ZZZ3: variants seen among roughly 807,000 people sequenced by gnomAD.
ZZZ3 encodes the protein ZZ-type zinc finger-containing protein 3.
Under a neutral mutation model 95.2 loss-of-function variants are expected in ZZZ3, and 22 were observed. That is an observed-to-expected ratio of 0.23 (90% CI 0.17 to 0.33). The LOEUF is 0.33. ZZZ3 is among the 10% of genes least tolerant of loss of function. ZZZ3 has a pLI of 1.00. For missense variants in ZZZ3, 885 were observed against 1,066.5 expected (o/e 0.83, Z 2.37); for synonymous variants, 335 against 358.9 (o/e 0.93, Z 0.75).
intron 1 of ZZZ3, among the ~76,000 whole-genome samples, chr1:77,673,458 A>G (rs545676366): frequency 1.3e-5 from 2 of 152,226 alleles, no homozygotes; most frequent in South Asian, 4.1e-4. Context: ...TTAGCCAGGC[A>G]TGGTGGCAGG....
chr1:77,671,026 G>GT (rs376097324), intron 1 of ZZZ3, among the ~76,000 whole-genome samples: 4 of 145,034 alleles, frequency 2.8e-5, no homozygotes, highest in East Asian at 2.2e-4. Context: ...GGTGGGGGTT[G>GT]TTTTTTTTAA....
chr1:77,657,529 T>C (rs919455775), intron 1 of ZZZ3, among the ~76,000 whole-genome samples: 2 of 152,152 alleles, frequency 1.3e-5, no homozygotes, highest in African/African-American at 2.4e-5. Context: ...CATTTGGAAA[T>C]GTGTACATCA....
intron 1 of ZZZ3, among the ~76,000 whole-genome samples, chr1:77,642,517 G>C (rs768301103): frequency 3.9e-5 from 6 of 152,004 alleles, no homozygotes; most frequent in Non-Finnish European, 8.8e-5. Context: ...GCCAAGACAG[G>C]AGGATCCCTT....
At chr1:77,661,803 C>A (rs1055334273) in intron 1 of ZZZ3, among the ~76,000 whole-genome samples, 2 of 152,018 alleles carry the variant, frequency 1.3e-5, no homozygotes, top group Non-Finnish European at 2.9e-5. Flanking sequence ...ATTATAGTTT[C>A]AAATTGCTAA....
rs150324016 is a variant in ZZZ3 at position 77,672,272 on chromosome 1, T to C, written c.-403+10313A>G. On this transcript the variant is annotated intron_variant, in intron 1 of 14. Transcript: ENST00000370801. Reference sequence around the variant, plus strand: ...GGGAACTATAAAGTTACAAGGATGGTTGTCAAACTTTAGCACACACCAGAA... The same window carrying C: ...GGGAACTATAAAGTTACAAGGATGGCTGTCAAACTTTAGCACACACCAGAA... Among the ~76,000 whole-genome samples, 6 of 152,258 alleles carry C rather than the reference T, an allele frequency of 3.9e-5. No individual in the cohort carries two copies. The East Asian group carries it at 9.6e-4, about 24-fold the overall frequency.
chr1:77,661,820 AT>A (rs1167416110), intron 1 of ZZZ3, among the ~76,000 whole-genome samples: 1 of 151,730 alleles, frequency 6.6e-6, no homozygotes, highest in African/African-American at 2.4e-5. Context: ...CTAACAAGGA[AT>A]TTTTTTTGTT....
chr1:77,656,568 CTTTTGATATCAAAGTCAAGG>C (rs1204254837), intron 1 of ZZZ3, among the ~76,000 whole-genome samples: 1 of 152,180 alleles, frequency 6.6e-6, no homozygotes, highest in African/African-American at 2.4e-5. Flanking sequence ...CCTGAAATAT[CTTTTGATATCAAAGTCAAGG>C]TCTGAATATC....
At chr1:77,615,162 A>C (rs1178059469) in intron 5 of ZZZ3, among the ~76,000 whole-genome samples, 1 of 152,214 alleles carries the variant, frequency 6.6e-6, no homozygotes, top group Non-Finnish European at 1.5e-5. Context: ...AACAACAAAA[A>C]TGGTGACATC....
intron 1 of ZZZ3, among the ~76,000 whole-genome samples, chr1:77,657,315 C>A (rs113620238): frequency 6.6e-6 from 1 of 152,130 alleles, no homozygotes; most frequent in South Asian, 2.1e-4. Flanking sequence ...TTCATAAACA[C>A]GGAACTCACA....
chr1:77,621,021 T>A (rs774783292), intron 5 of ZZZ3, among the ~76,000 whole-genome samples: 3 of 152,184 alleles, frequency 2.0e-5, no homozygotes, highest in Admixed American at 1.3e-4. Flanking sequence ...AAGCTTAGCA[T>A]CATACTGCCA....
upstream of ZZZ3, chr1:77,682,755 T>C (rs1672910462): frequency 6.6e-6 from 1 of 152,172 alleles, no homozygotes; most frequent in Admixed American, 6.5e-5. Flanking sequence ...AAAAAATCAG[T>C]ATTTCGGAAC....
chr1:77,634,141 G>C (rs914925735), intron 4 of ZZZ3, among the ~76,000 whole-genome samples: 1 of 152,062 alleles, frequency 6.6e-6, no homozygotes, highest in Non-Finnish European at 1.5e-5. Flanking sequence ...CTGCACTCCA[G>C]CTTGGGCGAC....
intron 1 of ZZZ3, among the ~76,000 whole-genome samples, chr1:77,653,193 A>AAGGC (rs968275259): frequency 2.6e-5 from 4 of 152,080 alleles, no homozygotes; most frequent in East Asian, 3.9e-4. Context: ...AAAGAAAAAA[A>AAGGC]AGGCAGGCAG....
At position 77,603,730 on chromosome 1, in the gene ZZZ3, T is replaced by A. The variant is rs372122293; in HGVS notation, c.1506-19075A>T. Among the ~76,000 whole-genome samples the A allele has an allele frequency of 1.4e-3, 206 of 152,210 alleles. 1 individual carries two copies. Among genetic ancestry groups the A allele is most frequent in the African/African-American group, 4.7e-3 (197 of 41,538 alleles). On this transcript the variant is annotated intron_variant, in intron 5 of 14. Transcript: ENST00000370801. ...TATACTCAAGGTCTAATACATAAGG[T>A]AAGTTTTATATAAAGATTATGAGCC...
At chr1:77,587,554 G>T (rs938849295) in intron 5 of ZZZ3, among the ~76,000 whole-genome samples, 1 of 152,120 alleles carries the variant, frequency 6.6e-6, no homozygotes, top group Non-Finnish European at 1.5e-5. Context: ...GTGAGCCACC[G>T]CGCCCAGCCC....
rs529063677 is a variant in ZZZ3, at chr1:77,665,635, T to C, written c.-403+16950A>G. On this transcript the variant is annotated intron_variant, in intron 1 of 14. Coordinates refer to ENST00000370801, the MANE Select transcript of ZZZ3 (RefSeq NM_015534.6). ...TATTTAGCTTGGTTAATAAGAATAC[T>C]GGAATGTTTAAGAAAATTTGTGATT... Among the ~76,000 whole-genome samples, 24 of 152,366 alleles carry C rather than the reference T, an allele frequency of 1.6e-4. No homozygotes were observed. In the South Asian group the frequency reaches 3.9e-3, roughly 25 times the overall value.
At chr1:77,658,484 A>C (rs1670485741) in intron 1 of ZZZ3, among the ~76,000 whole-genome samples, 1 of 148,996 alleles carries the variant, frequency 6.7e-6, no homozygotes, top group Admixed American at 6.7e-5. Flanking sequence ...TGGGACCTAT[A>C]GTCATAGGTG....
chr1:77,677,898 A>G (rs278849), intron 1 of ZZZ3, among the ~76,000 whole-genome samples: 151,598 of 152,338 alleles, frequency 1, 75,434 homozygotes, highest in Middle Eastern at 1. Context: ...TAATTCCCAA[A>G]ATCTAATTCC....
At chr1:77,658,241 A>G (rs559421436) in intron 1 of ZZZ3, among the ~76,000 whole-genome samples, 2 of 151,604 alleles carry the variant, frequency 1.3e-5, no homozygotes, top group African/African-American at 4.8e-5. Context: ...TCTTATTTCA[A>G]TGTGAATTTT....
Sources: allele counts gnomAD v4.1 joint callset (sites outside exome capture counted in the v4.1 genomes callset), GRCh38; gene constraint gnomAD v4.1.1; transcripts MANE v1.5; gene names NCBI Gene and HGNC (gene_info 2026-07-23, HGNC 2026-07-21).